Variants in KRT8 observed in about 807,000 individuals in gnomAD.
KRT8 encodes keratin, type II cytoskeletal 8.
In KRT8, 24 loss-of-function variants were observed where a neutral mutation model predicts 43.0. The ratio of observed to expected loss-of-function variants is 0.56; its 90% CI spans 0.40 to 0.78. The LOEUF (loss-of-function observed/expected upper bound fraction) is 0.78. Among genes scored for constraint, KRT8 ranks in the 30% least tolerant of loss-of-function variants. The pLI, the probability that KRT8 is intolerant of heterozygous loss-of-function variation, is 0.00. For synonymous variants in KRT8, 214 were observed against 261.2 expected (o/e 0.82, Z 1.74); for missense variants, 492 against 638.4 (o/e 0.77, Z 2.47).
intron 2 of KRT8, among the ~76,000 whole-genome samples, chr12:52,918,196 GAAGAAGAAC>G (rs781177984): frequency 0.016 from 1,973 of 125,778 alleles, 279 homozygotes; most frequent in African/African-American, 0.029. Context: ...AGAAGAAGAA[GAAGAAGAAC>G]AAGAAGAAGA....
chr12:52,917,411 A>G (rs1176204592), intron 2 of KRT8, among the ~76,000 whole-genome samples: 2 of 150,884 alleles, frequency 1.3e-5, no homozygotes, highest in Non-Finnish European at 3.0e-5. Flanking sequence ...AAAAAAAAAA[A>G]GAAAAAAAAG....
At chr12:52,906,390 T>C, upstream of KRT8, 1 of 268,410 alleles carries the variant, frequency 3.7e-6, no homozygotes, top group Non-Finnish European at 7.4e-6. Context: ...GGTGTGGCAC[T>C]CGTGGTGCTA....
intron 2 of KRT8, chr12:52,949,122 C>T (rs1942409069): frequency 5.1e-6 from 7 of 1,360,434 alleles, no homozygotes; most frequent in South Asian, 4.7e-5. Context: ...GCGCAGGCCG[C>T]CACCGTCGTC....
upstream of KRT8, among the ~76,000 whole-genome samples, chr12:52,907,449 G>A (rs1414652536): frequency 6.6e-6 from 1 of 152,170 alleles, no homozygotes; most frequent in African/African-American, 2.4e-5. Flanking sequence ...GGGCACTCAG[G>A]TCCTGATCTA....
chr12:52,910,294 C>T (rs1941609418), upstream of KRT8, among the ~76,000 whole-genome samples: 1 of 152,198 alleles, frequency 6.6e-6, no homozygotes, highest in Non-Finnish European at 1.5e-5. Flanking sequence ...TTCAAAGCTT[C>T]CTCGGTACAG....
At chr12:52,900,181 G>C (rs1239198926) in intron 4 of KRT8, 116 bp from the exon 5 acceptor site, 4 of 1,078,820 alleles carry the variant, frequency 3.7e-6, no homozygotes, top group Non-Finnish European at 4.0e-6. Flanking sequence ...GGAGCAGGTG[G>C]GAGTCAGGGT....
At chr12:52,912,897 G>T (rs145233514) in intron 2 of KRT8, among the ~76,000 whole-genome samples, 1 of 149,166 alleles carries the variant, frequency 6.7e-6, no homozygotes, top group Non-Finnish European at 1.5e-5. Flanking sequence ...CACAGGCAGC[G>T]TGACCAGGTA....
rs9669796 is a variant in KRT8, at chr12:52,932,285, C to T, written c.-47+17171G>A. On this transcript the variant is annotated intron_variant, in intron 2 of 6. Coordinates refer to the KRT8 transcript ENST00000546826. ...TGTATTTTTAGTAGAGACAGGGTTT[C>T]ACCATCTTGGCTAGGCTGGTCTTGA... Among the ~76,000 whole-genome samples, 1,233 of 152,000 alleles carry T rather than the reference C, an allele frequency of 8.1e-3. 10 individuals are homozygous for T. Among genetic ancestry groups the T allele is most frequent in the African/African-American group, 0.028 (1,160 of 41,438 alleles).
intron 1 of KRT8, among the ~76,000 whole-genome samples, chr12:52,904,166 C>T (rs555245104): frequency 2.6e-5 from 4 of 152,148 alleles, no homozygotes; most frequent in East Asian, 1.9e-4. Context: ...CACAAAGGCA[C>T]CACTGGGGAG....
intron 2 of KRT8, among the ~76,000 whole-genome samples, chr12:52,940,337 G>A (rs2120729356): frequency 6.6e-6 from 1 of 151,426 alleles, no homozygotes; most frequent in South Asian, 2.1e-4. Flanking sequence ...GGAGGCTAAG[G>A]CAGGAGAATC....
intron 2 of KRT8, among the ~76,000 whole-genome samples, chr12:52,937,830 C>T (rs1029480323): frequency 1.3e-5 from 2 of 151,226 alleles, no homozygotes; most frequent in Non-Finnish European, 2.9e-5. Context: ...AACCCTGTCT[C>T]TACTAAAAAT....
intron 1 of KRT8, chr12:52,903,491 C>T (rs1339566548): frequency 3.3e-5 from 5 of 152,400 alleles, no homozygotes; most frequent in African/African-American, 9.6e-5. Flanking sequence ...TCCCGGCTTA[C>T]TCTGCCCCAG....
At chr12:52,937,093 G>A (rs1009713026) in intron 2 of KRT8, among the ~76,000 whole-genome samples, 13 of 152,078 alleles carry the variant, frequency 8.5e-5, no homozygotes, top group African/African-American at 3.1e-4. Context: ...GATACAGGCC[G>A]GGCATGGTGG....
intron 2 of KRT8, among the ~76,000 whole-genome samples, chr12:52,918,176 AAGAG>A (rs1941795275): frequency 8.0e-5 from 10 of 125,372 alleles, no homozygotes; most frequent in African/African-American, 2.9e-4. Flanking sequence ...GAAGAAGAGG[AAGAG>A]GAAGAAGAAG....
At chr12:52,905,112 G>T, upstream of KRT8, 5 of 1,441,074 alleles carry the variant, frequency 3.5e-6, no homozygotes, top group East Asian at 2.5e-5. Flanking sequence ...CCCGGGGGAT[G>T]GGGGGGAAAG....
At chr12:52,933,256 C>G (rs569308020) in intron 2 of KRT8, among the ~76,000 whole-genome samples, 6 of 152,016 alleles carry the variant, frequency 3.9e-5, no homozygotes, top group Non-Finnish European at 1.5e-5. Flanking sequence ...CACAAAATTA[C>G]GTTTCTATAT....
At chr12:52,913,210 A>G (rs1302877125) in intron 2 of KRT8, among the ~76,000 whole-genome samples, 2 of 152,188 alleles carry the variant, frequency 1.3e-5, no homozygotes, top group Non-Finnish European at 2.9e-5. Context: ...CCCCAAGGCC[A>G]GCCCTGCCCA....
intron 2 of KRT8, chr12:52,948,909 A>G: frequency 2.3e-6 from 1 of 433,174 alleles, no homozygotes; most frequent in Non-Finnish European, 4.0e-6. Context: ...GTCCGTGTCC[A>G]TGCCCGGTTG....
upstream of KRT8, among the ~76,000 whole-genome samples, chr12:52,910,566 C>T (rs1271094131): frequency 6.6e-6 from 1 of 152,218 alleles, no homozygotes; most frequent in Non-Finnish European, 1.5e-5. Flanking sequence ...ATGGGTCCCA[C>T]TCCTGACAGT....
Sources: gnomAD v4.1 joint callset for allele counts (sites outside exome capture counted in the v4.1 genomes callset) on GRCh38, gnomAD v4.1.1 for gene constraint, MANE v1.5 for transcripts, NCBI Gene and HGNC (gene_info 2026-07-23, HGNC 2026-07-21) for gene names.